Variants in BCAS3 observed in about 807,000 individuals in gnomAD.
The protein encoded by BCAS3 is BCAS4/BCAS3 fusion.
In BCAS3, 53 loss-of-function variants were observed where a neutral mutation model predicts 116.1. The ratio of observed to expected loss-of-function variants is 0.46; its 90% CI spans 0.37 to 0.57. The LOEUF (loss-of-function observed/expected upper bound fraction) is 0.57, where lower values mean the gene tolerates loss of function less well. Ranked by LOEUF, BCAS3 falls within the 20% of genes least tolerant of loss-of-function variation. The probability of loss-of-function intolerance (pLI) is 0.00; values close to 1 mark genes in which losing one functional copy is unlikely to be tolerated. For missense variants in BCAS3, 917 were observed against 1,165.4 expected, an observed-to-expected ratio of 0.79 and a Z score of 3.10; for synonymous variants, 391 against 408.2, an observed-to-expected ratio of 0.96 and a Z score of 0.51.
intron 22 of BCAS3, among the ~76,000 whole-genome samples, chr17:61,086,345 A>G (rs1223650282): frequency 6.6e-6 from 1 of 152,160 alleles, no homozygotes; most frequent in Non-Finnish European, 1.5e-5. Flanking sequence ...CACCTGCCTC[A>G]GCCTCCCAAA....
chr17:60,984,885 C>G (rs1297289404), intron 14 of BCAS3, among the ~76,000 whole-genome samples: 1 of 151,390 alleles, frequency 6.6e-6, no homozygotes, highest in African/African-American at 2.4e-5. Flanking sequence ...TGGTGCATGC[C>G]TGTAATCCCA....
chr17:61,238,633 T>A (rs1217272573), intron 22 of BCAS3, among the ~76,000 whole-genome samples: 1 of 152,172 alleles, frequency 6.6e-6, no homozygotes, highest in Non-Finnish European at 1.5e-5. Context: ...GTCTTATGTC[T>A]TTATGGCCTT....
chr17:60,776,535 A>G (rs183757387), intron 6 of BCAS3, among the ~76,000 whole-genome samples: 1,712 of 152,226 alleles, frequency 0.011, 6 homozygotes, highest in Non-Finnish European at 0.017. Flanking sequence ...CCTGACCAAC[A>G]TAGTGAAAAC....
intron 6 of BCAS3, among the ~76,000 whole-genome samples, chr17:60,781,751 A>G (rs1457896880): frequency 6.6e-6 from 1 of 152,154 alleles, no homozygotes; most frequent in African/African-American, 2.4e-5. Flanking sequence ...GAATTTTACA[A>G]TTATGTGTAT....
At chr17:61,232,997 G>T (rs986277660) in intron 22 of BCAS3, among the ~76,000 whole-genome samples, 2 of 152,152 alleles carry the variant, frequency 1.3e-5, no homozygotes, top group East Asian at 1.9e-4. Flanking sequence ...ACCATGTGCC[G>T]AAGTGTTTGT....
At position 61,061,404 on chromosome 17, in the gene BCAS3, TTTG is replaced by T. The variant is rs1212727357; in HGVS notation, c.2030-13507_2030-13505del. 3.9e-5 allele frequency among the ~76,000 whole-genome samples: 6 copies of T among 152,352 alleles called. No homozygotes were observed. In the South Asian group the frequency reaches 1.2e-3, roughly 32 times the overall value. ...ATCACCCCCCATCCTCGCCTGCTTT[TTTG>T]TTGTTGTTTGTCAGGGCTTAGTGTA... is the stretch of plus-strand genomic sequence containing the variant. On this transcript the variant is annotated intron_variant, in intron 19 of 23. Coordinates refer to ENST00000407086, the MANE Select transcript of BCAS3 (RefSeq NM_017679.5).
At chr17:60,918,485 G>A (rs73320661) in intron 12 of BCAS3, among the ~76,000 whole-genome samples, 13,373 of 152,056 alleles carry the variant, frequency 0.088, 1,969 homozygotes, top group African/African-American at 0.3. Flanking sequence ...AATGTACCAG[G>A]TATTGTTGTT....
rs1045881028 is a variant in BCAS3, at chr17:61,189,587, C to G, written c.2425+105023C>G. On this transcript the variant is annotated intron_variant, in intron 22 of 23. Transcript: ENST00000407086. This position sits in a 1 kb window ranked among gnomAD's most constrained non-coding sequence, Gnocchi z 4.5. Reference sequence around the variant, plus strand: ...GACCACTTAAACTGTTGACCTGACACCTAGGGCAGGGGTAAATGGAATCGA... The same window carrying G: ...GACCACTTAAACTGTTGACCTGACAGCTAGGGCAGGGGTAAATGGAATCGA... Among the ~76,000 whole-genome samples the G allele has an allele frequency of 2.6e-5, 4 of 151,776 alleles. No homozygotes were observed. The highest frequency in any genetic ancestry group is 9.7e-5 in the African/African-American group (4 of 41,282).
At position 61,260,780 on chromosome 17, in the gene BCAS3, C is replaced by T. The variant is rs138562550; in HGVS notation, c.2426-107547C>T. The stretch of plus-strand genomic sequence containing the variant: ...AGTGTCTGGCAATTTTGCCGTAAAA[C>T]GCCATTAATAACAACGCCTATAGGA... On this transcript the variant is annotated intron_variant, in intron 22 of 23. Coordinates refer to ENST00000407086, the MANE Select transcript of BCAS3 (RefSeq NM_017679.5). 5.9e-5 allele frequency among the ~76,000 whole-genome samples: 9 copies of T among 152,264 alleles called. No homozygotes were observed. The East Asian group carries it at 1.3e-3, about 23-fold the overall frequency.
chr17:61,008,649 T>C lies in BCAS3; in HGVS notation c.1487-7102T>C, dbSNP rs961428449. 6.6e-6 allele frequency among the ~76,000 whole-genome samples: 1 copy of C among 151,214 alleles called. No homozygotes were observed. The highest frequency in any genetic ancestry group is 2.4e-5 in the African/African-American group (1 of 41,102). ...TTCCACAGCAAGATATTAAAAACAG[T>C]CCAAAAGCTTTGCTCTTCTGTAGAA... On this transcript the variant is annotated intron_variant, in intron 15 of 23. Coordinates refer to ENST00000407086, the MANE Select transcript of BCAS3 (RefSeq NM_017679.5). This position sits in a 1 kb window ranked among gnomAD's most constrained non-coding sequence, Gnocchi z 4.6.
chr17:60,776,977 T>C (rs922997131), intron 6 of BCAS3, among the ~76,000 whole-genome samples: 8 of 142,416 alleles, frequency 5.6e-5, no homozygotes, highest in African/African-American at 1.9e-4. Context: ...ATTGTGCCAC[T>C]GCACTCCACG....
rs2143298308 is a variant in BCAS3, at chr17:61,060,727, A to G, written c.2030-14193A>G. 2.0e-5 allele frequency among the ~76,000 whole-genome samples: 3 copies of G among 152,322 alleles called. 1 individual carries two copies. The highest frequency in any genetic ancestry group is 3.4e-3 in the Middle Eastern group (1 of 294). Reference sequence around the variant, plus strand: ...AGTTAGTTGTATAAGGAATCTACCAATTACCAAGTTTCAACAATTTACAAC... The same window carrying G: ...AGTTAGTTGTATAAGGAATCTACCAGTTACCAAGTTTCAACAATTTACAAC... On this transcript the variant is annotated intron_variant, in intron 19 of 23. Transcript: ENST00000407086.
At chr17:60,952,727 C>T (rs1218842475) in intron 14 of BCAS3, among the ~76,000 whole-genome samples, 1 of 152,048 alleles carries the variant, frequency 6.6e-6, no homozygotes, top group Non-Finnish European at 1.5e-5. Context: ...GGTACTAGGC[C>T]TAGTACTCAG....
rs1319327621 is a variant in BCAS3 at position 61,067,736 on chromosome 17, A to T, written c.2030-7184A>T. Among the ~76,000 whole-genome samples, 377 of 131,968 alleles carry T rather than the reference A, an allele frequency of 2.9e-3. 1 individual carries two copies. The highest frequency in any genetic ancestry group is 0.013 in the African/African-American group (326 of 25,396). The allele number at this position is 131,968 out of a possible 152,430, so 86.6% of individuals were successfully genotyped here. A position where few individuals can be genotyped will look rare whatever the true frequency, so the allele number is the denominator to read the frequency against. On this transcript the variant is annotated intron_variant, in intron 19 of 23. Transcript: ENST00000407086. The stretch of plus-strand genomic sequence containing the variant: ...TCTCAAACAAACAAACAAAAAAAAA[A>T]AAAAATATATATATATATATAGAAA...
chr17:60,872,312 T>TAA (rs1416081126), intron 8 of BCAS3, among the ~76,000 whole-genome samples: 2 of 151,846 alleles, frequency 1.3e-5, no homozygotes, highest in Non-Finnish European at 2.9e-5. Context: ...TATATGTACT[T>TAA]ATATGTATAT....
rs886184949 is a variant in BCAS3 at position 61,273,313 on chromosome 17, T to A, written c.2426-95014T>A. Among the ~76,000 whole-genome samples the A allele has an allele frequency of 2.0e-5, 3 of 152,190 alleles. No individual in the cohort carries two copies. In the South Asian group the frequency reaches 6.2e-4, roughly 32 times the overall value. On this transcript the variant is annotated intron_variant, in intron 22 of 23. Transcript: ENST00000407086. ...TTTGTAGAGATGGGGTTTTGCCATG[T>A]TGCCCAGACTGACTACCTTTATTTT...
chr17:60,808,781 A>G (rs2144626359), intron 7 of BCAS3, among the ~76,000 whole-genome samples: 1 of 152,316 alleles, frequency 6.6e-6, no homozygotes, highest in Non-Finnish European at 1.5e-5. Context: ...AACACATGCA[A>G]AATAATTATG....
At chr17:60,898,527 G>A (rs779360248) in intron 10 of BCAS3, among the ~76,000 whole-genome samples, 8 of 152,248 alleles carry the variant, frequency 5.3e-5, no homozygotes, top group Non-Finnish European at 8.8e-5. Flanking sequence ...AGTGGTGGCT[G>A]TGGTGAAGTT....
chr17:60,975,777 A>T (rs1312221201), intron 14 of BCAS3, among the ~76,000 whole-genome samples: 1 of 152,158 alleles, frequency 6.6e-6, no homozygotes, highest in African/African-American at 2.4e-5. Context: ...TTTCATATAA[A>T]ATGGAATCAT....
Sources: allele counts gnomAD v4.1 joint callset (sites outside exome capture counted in the v4.1 genomes callset), GRCh38; gene constraint gnomAD v4.1.1; non-coding constraint Gnocchi (gnomAD v3.1); transcripts MANE v1.5; gene names NCBI Gene and HGNC (gene_info 2026-07-23, HGNC 2026-07-21).